STIM2: variants seen among roughly 807,000 people sequenced by gnomAD.
The protein encoded by STIM2 is stromal interaction molecule 2.
STIM2 carries 31 observed loss-of-function variants against 85.8 expected under a neutral mutation model. The observed-to-expected ratio is 0.36, with a 90% CI of 0.27 to 0.49. The LOEUF is 0.49. Among genes scored for constraint, STIM2 ranks in the 20% least tolerant of loss-of-function variants. The pLI is 0.98. For missense variants in STIM2, 841 were observed against 927.6 expected, an observed-to-expected ratio of 0.91 and a Z score of 1.21; for synonymous variants, 356 against 331.1, an observed-to-expected ratio of 1.08 and a Z score of -0.82.
chr4:26,955,073 A>G (rs925564063), intron 2 of STIM2, among the ~76,000 whole-genome samples: 13 of 146,656 alleles, frequency 8.9e-5, no homozygotes, highest in Non-Finnish European at 1.9e-4. Flanking sequence ...TAGAAATTTT[A>G]TTTCTAAGAA....
intron 3 of STIM2, among the ~76,000 whole-genome samples, chr4:26,959,539 C>G (rs1186258306): frequency 6.6e-6 from 1 of 151,944 alleles, no homozygotes; most frequent in African/African-American, 2.4e-5. Context: ...ATATATATCT[C>G]CCTTTGCCTC....
chr4:26,998,684 G>A (rs1252976343), intron 4 of STIM2, among the ~76,000 whole-genome samples: 2 of 151,828 alleles, frequency 1.3e-5, no homozygotes, highest in Admixed American at 1.3e-4. Context: ...AGGCTGAGGC[G>A]GGCGGATCAC....
intron 11 of STIM2, 64 bp from the exon 12 acceptor site, chr4:27,022,455 G>T: frequency 7.7e-7 from 1 of 1,291,880 alleles, no homozygotes; most frequent in South Asian, 1.6e-5. Flanking sequence ...TAGTTAGAAT[G>T]TCTGCTAGTA....
At chr4:26,946,419 C>T (rs752633582) in intron 2 of STIM2, among the ~76,000 whole-genome samples, 2 of 152,182 alleles carry the variant, frequency 1.3e-5, no homozygotes, top group Non-Finnish European at 2.9e-5. Flanking sequence ...AAACCTGATT[C>T]TTTAAGATTA....
chr4:26,975,445 TG>T (rs1727148575), intron 3 of STIM2, among the ~76,000 whole-genome samples: 2 of 152,046 alleles, frequency 1.3e-5, no homozygotes, highest in African/African-American at 4.8e-5. Flanking sequence ...ACCTTTTTGT[TG>T]ATGTTGATGC....
Position 26,938,262 on chromosome 4 carries a change from A to G in STIM2, c.282+18628A>G, listed in dbSNP as rs552923061. Among the ~76,000 whole-genome samples the G allele has an allele frequency of 5.3e-5, 8 of 152,036 alleles. No individual in the cohort carries two copies. The South Asian group carries it at 1.7e-3, about 32-fold the overall frequency. On this transcript the variant is annotated intron_variant, in intron 2 of 11. Transcript: ENST00000467087. ...TAAAGATTGTGTATATGTAAGGTAT[A>G]TGATATGGTGATTTGATATCTTTAT... is the stretch of plus-strand genomic sequence containing the variant.
In STIM2 at chr4:26,957,693, G is replaced by C. The variant is rs1278977074; in HGVS notation, c.364G>C (p.Glu122Gln). ...CAGAGAAGATAAACATATAACGATT[G>C]AGGATTTATGGAAACGATGGAAAAC... The change falls in exon 3 of 12, where the codon GAG becomes CAG. Residue 122 changes from glutamate (E) to glutamine (Q), a missense_variant. By Grantham distance (29) the Glu-to-Gln change is conservative (BLOSUM62 2). Around this residue, in one of 3 missense-constraint regions of STIM2, gnomAD observed 408 missense variants for 525.4 expected, o/e 0.78. Coordinates refer to ENST00000467087, the MANE Select transcript of STIM2 (RefSeq NM_020860.4). 6.3e-7 allele frequency: 1 copy of C among 1,597,516 alleles called. No homozygotes were observed.
chr4:26,975,641 C>G (rs1331340010), intron 3 of STIM2, among the ~76,000 whole-genome samples: 1 of 152,182 alleles, frequency 6.6e-6, no homozygotes, highest in Non-Finnish European at 1.5e-5. Context: ...CCCACAGGAG[C>G]AGCCGCGTAT....
At chr4:26,861,939 T>C (rs1577400783) in intron 1 of STIM2, among the ~76,000 whole-genome samples, 1 of 152,190 alleles carries the variant, frequency 6.6e-6, no homozygotes, top group East Asian at 1.9e-4. Context: ...ACAGTGCATT[T>C]TTTGCGGGGT....
intron 1 of STIM2, among the ~76,000 whole-genome samples, chr4:26,914,258 C>T (rs1724451020): frequency 6.6e-6 from 1 of 152,144 alleles, no homozygotes; most frequent in Non-Finnish European, 1.5e-5. Flanking sequence ...ATGTGTAACA[C>T]TTAATTTTTA....
chr4:26,992,118 C>T (rs1186950035), intron 3 of STIM2, among the ~76,000 whole-genome samples: 1 of 152,028 alleles, frequency 6.6e-6, no homozygotes, highest in Non-Finnish European at 1.5e-5. Context: ...TGAAAAATCG[C>T]TTGTACCCCA....
At chr4:26,946,268 T>C (rs1294323348) in intron 2 of STIM2, among the ~76,000 whole-genome samples, 1 of 152,204 alleles carries the variant, frequency 6.6e-6, no homozygotes, top group East Asian at 1.9e-4. Context: ...TTTCACCTTA[T>C]ATCAAAAATA....
At chr4:26,983,732 G>C (rs1187308636) in intron 3 of STIM2, among the ~76,000 whole-genome samples, 1 of 152,112 alleles carries the variant, frequency 6.6e-6, no homozygotes, top group African/African-American at 2.4e-5. Context: ...TATTAACTAG[G>C]CTTTTGTATT....
At chr4:27,007,316 A>G (rs1192501377) in intron 7 of STIM2, among the ~76,000 whole-genome samples, 1 of 140,080 alleles carries the variant, frequency 7.1e-6, no homozygotes, top group Non-Finnish European at 1.6e-5. Context: ...CTCAGCCTTC[A>G]TTTTTTTTTT....
intron 1 of STIM2, chr4:26,861,695 ATTTT>A (rs57976994): frequency 2.5e-4 from 31 of 124,112 alleles, no homozygotes; most frequent in East Asian, 5.0e-4. Flanking sequence ...GACTGGGCTG[ATTTT>A]TTTTTTTTTT....
At chr4:27,013,865 G>A (rs960908980) in intron 10 of STIM2, among the ~76,000 whole-genome samples, 1 of 151,892 alleles carries the variant, frequency 6.6e-6, no homozygotes, top group Non-Finnish European at 1.5e-5. Context: ...CATTGCCTAT[G>A]GATTGACCTT....
chr4:26,935,326 T>G (rs1725356096), intron 2 of STIM2, among the ~76,000 whole-genome samples: 1 of 152,222 alleles, frequency 6.6e-6, no homozygotes, highest in Non-Finnish European at 1.5e-5. Context: ...CTTCTTTGTT[T>G]ACGTATATGT....
At chr4:26,975,136 G>A (rs1183703720) in intron 3 of STIM2, among the ~76,000 whole-genome samples, 3 of 151,998 alleles carry the variant, frequency 2.0e-5, no homozygotes, top group South Asian at 2.1e-4. Context: ...TTAGCCATTC[G>A]TCTAATCTTT....
At chr4:26,998,084 T>C (rs1728024145) in intron 4 of STIM2, among the ~76,000 whole-genome samples, 1 of 152,234 alleles carries the variant, frequency 6.6e-6, no homozygotes, top group African/African-American at 2.4e-5. Context: ...GAAATACTAT[T>C]ATAAGGTTTT....
Sources: allele counts gnomAD v4.1 joint callset (sites outside exome capture counted in the v4.1 genomes callset), GRCh38; gene constraint gnomAD v4.1.1; regional missense constraint gnomAD v4.1.1; transcripts MANE v1.5; gene names NCBI Gene and HGNC (gene_info 2026-07-23, HGNC 2026-07-21).